Variants in ZNF26 observed in about 807,000 individuals in gnomAD.
ZNF26 encodes the protein epididymis luminal protein 179.
In ZNF26, 32 loss-of-function variants were observed where a neutral mutation model predicts 54.9. The ratio of observed to expected loss-of-function variants is 0.58; its 90% CI spans 0.44 to 0.78. The LOEUF is 0.78. Ranked by LOEUF, ZNF26 falls within the 30% of genes least tolerant of loss-of-function variation. The pLI, the probability that ZNF26 is intolerant of heterozygous loss-of-function variation, is 0.00. For synonymous variants in ZNF26, 221 were observed against 209.2 expected, an observed-to-expected ratio of 1.06 and a Z score of -0.49; for missense variants, 524 against 634.0, an observed-to-expected ratio of 0.83 and a Z score of 1.86.
rs980350121 is a variant in ZNF26 at position 133,025,999 on chromosome 12, C to T, written c.*14518C>T. ...CAAGAGTGAGAGATGCCTAAAACACCCCCAGGCATTCCAGCCCCTTCTGTT... is the reference window on the plus strand; with the variant it reads ...CAAGAGTGAGAGATGCCTAAAACACTCCCAGGCATTCCAGCCCCTTCTGTT... On this transcript the variant is annotated 3_prime_UTR_variant, in exon 4 of 4. Coordinates refer to ENST00000328654, the MANE Select transcript of ZNF26 (RefSeq NM_019591.4). 6.6e-6 allele frequency: 1 copy of T among 152,396 alleles called. No individual in the cohort carries two copies. Among genetic ancestry groups the T allele is most frequent in the Non-Finnish European group, 1.5e-5 (1 of 68,222 alleles). The allele number at this position is 152,396 out of a possible 1,614,324, so 9.4% of individuals were successfully genotyped here.
Position 133,011,405 on chromosome 12 carries a change from C to G in ZNF26, c.1526C>G (p.Pro509Arg), listed in dbSNP as rs201121651. Residue 509 changes from proline (P) to arginine (R), a missense_variant, in exon 4 of 4, where the codon CCA becomes CGA. Transcript: ENST00000328654. Reference sequence around the variant, plus strand: ...CAGAGAGTTCACACCGGAGAGAAACCATGGAAATGCTCTGAATGTGGGAAA... The same window carrying G: ...CAGAGAGTTCACACCGGAGAGAAACGATGGAAATGCTCTGAATGTGGGAAA... Reference protein sequence around the residue: ...EHQRVHTGEKPWKCSECGKSF... With the variant: ...EHQRVHTGEKRWKCSECGKSF... 1 of 1,604,836 alleles carries G rather than the reference C, an allele frequency of 6.2e-7. No individual in the cohort carries two copies. Among genetic ancestry groups the G allele is most frequent in the Non-Finnish European group, 8.5e-7 (1 of 1,176,246 alleles).
chr12:132,998,420 C>T (rs1456601517), intron 1 of ZNF26, among the ~76,000 whole-genome samples: 1 of 152,172 alleles, frequency 6.6e-6, no homozygotes, highest in African/African-American at 2.4e-5. Flanking sequence ...CCTCCTCAGC[C>T]TCCCAAAGTG....
chr12:132,988,052 A>G (rs1179066687), intron 1 of ZNF26, among the ~76,000 whole-genome samples: 12 of 152,316 alleles, frequency 7.9e-5, no homozygotes, highest in Non-Finnish European at 1.3e-4. Context: ...TCTGTCGCCC[A>G]GGCTGGAGTG....
chr12:133,023,069 G>A lies in ZNF26; in HGVS notation c.*11588G>A, dbSNP rs958273073. On this transcript the variant is annotated 3_prime_UTR_variant, in exon 4 of 4. Transcript: ENST00000328654. ...TTGGGTGAAAGATTCAAGAGCATTC[G>A]TGAGAATGTACTTGTAACTAGTATT... 1.3e-5 allele frequency: 2 copies of A among 152,312 alleles called. No individual in the cohort carries two copies. The highest frequency in any genetic ancestry group is 2.4e-5 in the African/African-American group (1 of 41,562). The allele number at this position is 152,312 out of a possible 1,614,324, so 9.4% of individuals were successfully genotyped here. A position where few individuals can be genotyped will look rare whatever the true frequency, so the allele number is the denominator to read the frequency against.
intron 1 of ZNF26, chr12:133,004,354 A>C (rs1256866981): frequency 6.6e-6 from 1 of 152,208 alleles, no homozygotes; most frequent in Non-Finnish European, 1.5e-5. Flanking sequence ...CACATGCTTA[A>C]ATTGTAGCTG....
At position 133,011,436 on chromosome 12, in the gene ZNF26, C is replaced by T; in HGVS notation, c.1557C>T (p.Phe519=). ...PWKCSECGKS[F]CWNSGLRIHR... ...AATGCTCTGAATGTGGGAAATCCTT[C>T]TGTTGGAATTCAGGGCTTCGTATAC... Residue 519 remains phenylalanine (F), a synonymous_variant, in exon 4 of 4, where the codon TTC becomes TTT. Coordinates refer to ENST00000328654, the MANE Select transcript of ZNF26 (RefSeq NM_019591.4). 2 of 1,586,230 alleles carry T rather than the reference C, an allele frequency of 1.3e-6. No homozygotes were observed. The highest frequency in any genetic ancestry group is 2.2e-5 in the East Asian group (1 of 44,598).
At chr12:133,008,419 C>T (rs1268954507) in intron 3 of ZNF26, among the ~76,000 whole-genome samples, 16 of 152,204 alleles carry the variant, frequency 1.1e-4, no homozygotes, top group Admixed American at 3.3e-4. Flanking sequence ...TTCTCTCTCC[C>T]GTATGTTCCA....
rs1296233697 is a variant in ZNF26, at chr12:133,011,342, G to A, written c.1463G>A (p.Gly488Glu). ...AAACCTTTTAAATGCAGTGAATGTG[G>A]AAAAGCCTTCACTCAGAAGTCATCT... ...GEKPFKCSEC[G>E]KAFTQKSSLS... The change falls in exon 4 of 4, where the codon GGA becomes GAA. Residue 488 changes from glycine (G) to glutamate (E), a missense_variant. By Grantham distance (98) the Gly-to-Glu change is moderately conservative. Transcript: ENST00000328654. 1 of 1,614,080 alleles carries A rather than the reference G, an allele frequency of 6.2e-7. No individual in the cohort carries two copies. The highest frequency in any genetic ancestry group is 8.5e-7 in the Non-Finnish European group (1 of 1,180,014).
Position 133,010,300 on chromosome 12 carries a change from C to G in ZNF26, c.421C>G (p.Pro141Ala). Reference protein sequence around the residue: ...RGKSLTQNSAPSRSYLRKNPD... With the variant: ...RGKSLTQNSAASRSYLRKNPD... Reference sequence around the variant, plus strand: ...AAAAAGTTTGACACAAAACTCAGCTCCAAGCAGAAGTTATTTAAGAAAGAA... The same window carrying G: ...AAAAAGTTTGACACAAAACTCAGCTGCAAGCAGAAGTTATTTAAGAAAGAA... The change falls in exon 4 of 4, where the codon CCA becomes GCA. Residue 141 changes from proline (P) to alanine (A), a missense_variant. Transcript: ENST00000328654. 2 of 1,613,772 alleles carry G rather than the reference C, an allele frequency of 1.2e-6. No homozygotes were observed. Among genetic ancestry groups the G allele is most frequent in the Non-Finnish European group, 1.7e-6 (2 of 1,179,980 alleles).
chr12:132,988,108 G>A (rs1429729728), intron 1 of ZNF26, among the ~76,000 whole-genome samples: 1 of 152,060 alleles, frequency 6.6e-6, no homozygotes, highest in Non-Finnish European at 1.5e-5. Context: ...TCCCGGGTTC[G>A]AGCGATTCTT....
chr12:132,993,411 C>T (rs1473356050), intron 1 of ZNF26, among the ~76,000 whole-genome samples: 1 of 151,948 alleles, frequency 6.6e-6, no homozygotes, highest in African/African-American at 2.4e-5. Context: ...TGTCTGATAC[C>T]TTCAACATCC....
chr12:132,987,759 G>A (rs1952855500), intron 1 of ZNF26: 2 of 984,122 alleles, frequency 2.0e-6, no homozygotes, highest in Middle Eastern at 5.2e-4. Context: ...GAACCCTCAA[G>A]AGGACCGAGG....
chr12:132,989,766 T>A (rs983313664), intron 1 of ZNF26, among the ~76,000 whole-genome samples: 4 of 152,186 alleles, frequency 2.6e-5, no homozygotes, highest in African/African-American at 9.7e-5. Flanking sequence ...TTTTTTTGCC[T>A]CAGATAGGAC....
In ZNF26 at chr12:133,011,745, A is replaced by T; in HGVS notation, c.*264A>T. 7.8e-6 allele frequency: 2 copies of T among 256,644 alleles called. No homozygotes were observed. The highest frequency in any genetic ancestry group is 2.3e-4 in the South Asian group (2 of 8,656). The allele number at this position is 256,644 out of a possible 1,614,324, so 15.9% of individuals were successfully genotyped here. ...AAGATTCAGAGAATTTACACTAGGA[A>T]CACCTTATAAGTTGAATAAATTAAG... On this transcript the variant is annotated 3_prime_UTR_variant, in exon 4 of 4. Coordinates refer to ENST00000328654, the MANE Select transcript of ZNF26 (RefSeq NM_019591.4).
At chr12:132,989,117 A>G (rs1593629069) in intron 1 of ZNF26, among the ~76,000 whole-genome samples, 1 of 141,492 alleles carries the variant, frequency 7.1e-6, no homozygotes. Context: ...GCTCACTGCA[A>G]CCTCCACCTC....
chr12:132,993,316 C>A (rs1276205084), intron 1 of ZNF26, among the ~76,000 whole-genome samples: 1 of 152,004 alleles, frequency 6.6e-6, no homozygotes. Context: ...TGAGCCACTA[C>A]GCCTGGCCTG....
At position 133,026,588 on chromosome 12, in the gene ZNF26, A is replaced by G. The variant is rs1953708934; in HGVS notation, c.*15107A>G. The G allele has an allele frequency of 6.9e-6, 1 of 145,742 alleles. No homozygotes were observed. The highest frequency in any genetic ancestry group is 2.6e-5 in the African/African-American group (1 of 38,290). 9.0% of individuals were successfully genotyped at this position (145,742 alleles called of 1,614,324 possible). The stretch of plus-strand genomic sequence containing the variant: ...GTCACCCAGGCTGGAGTGCAGTGGC[A>G]TAATTTCAGCTCATGGCAACCTCCG... On this transcript the variant is annotated 3_prime_UTR_variant, in exon 4 of 4. Coordinates refer to ENST00000328654, the MANE Select transcript of ZNF26 (RefSeq NM_019591.4).
At chr12:133,006,433 C>A in intron 1 of ZNF26, 2 of 333,010 alleles carry the variant, frequency 6.0e-6, no homozygotes, top group Non-Finnish European at 8.6e-6. Context: ...ATGTTTTTAC[C>A]AAGGACTCAG....
At position 133,023,683 on chromosome 12, in the gene ZNF26, T is replaced by A. The variant is rs1351136424; in HGVS notation, c.*12202T>A. ...TCTCATCTCCTCTTCTACAGTGTGA[T>A]CTTGCCACTCCTCCCACTTATAGTC... is the stretch of plus-strand genomic sequence containing the variant. On this transcript the variant is annotated 3_prime_UTR_variant, in exon 4 of 4. Transcript: ENST00000328654. 1 of 152,238 alleles carries A rather than the reference T, an allele frequency of 6.6e-6. No individual in the cohort carries two copies. Among genetic ancestry groups the A allele is most frequent in the Non-Finnish European group, 1.5e-5 (1 of 68,042 alleles). The allele number at this position is 152,238 out of a possible 1,614,324, so 9.4% of individuals were successfully genotyped here.
Sources: allele counts gnomAD v4.1 joint callset (sites outside exome capture counted in the v4.1 genomes callset), GRCh38; gene constraint gnomAD v4.1.1; transcripts MANE v1.5; gene names NCBI Gene and HGNC (gene_info 2026-07-23, HGNC 2026-07-21).